The following TCAIM variants were observed in gnomAD, a reference collection of about 807,000 sequenced individuals.
TCAIM encodes T cell activation inhibitor, mitochondrial.
Under a neutral mutation model 58.6 loss-of-function variants are expected in TCAIM, and 36 were observed. The ratio of observed to expected loss-of-function variants is 0.61; its 90% confidence interval spans 0.47 to 0.81. The LOEUF is 0.81. Among genes scored for constraint, TCAIM ranks in the 30% least tolerant of loss-of-function variants. The pLI, the probability that TCAIM is intolerant of heterozygous loss-of-function variation, is 0.00. For missense variants in TCAIM, 466 were observed against 579.6 expected (o/e 0.80, Z 2.01); for synonymous variants, 172 against 193.6 (o/e 0.89, Z 0.93).
chr3:44,344,702 A>G (rs1302610331), intron 1 of TCAIM, among the ~76,000 whole-genome samples: 1 of 152,100 alleles, frequency 6.6e-6, no homozygotes, highest in East Asian at 1.9e-4. Context: ...AGGCTTGGAG[A>G]GAGCAATGAA....
At position 44,379,672 on chromosome 3, in the gene TCAIM, T is replaced by G. The variant is rs191902028; in HGVS notation, c.572+11964T>G. On this transcript the variant is annotated intron_variant, in intron 5 of 10. Transcript: ENST00000342649. ...TCACTTATAAGTGGGAACAAAATAA[T>G]GAGAACCAATGGGCACAACACAGAG... 3.3e-5 allele frequency among the ~76,000 whole-genome samples: 5 copies of G among 151,882 alleles called. No individual in the cohort carries two copies. In the East Asian group the frequency reaches 9.7e-4, roughly 29 times the overall value.
chr3:44,383,470 A>G (rs1575266614), intron 5 of TCAIM, among the ~76,000 whole-genome samples: 1 of 152,230 alleles, frequency 6.6e-6, no homozygotes. Flanking sequence ...GGATGATTCT[A>G]CTTATGTGAA....
At chr3:44,371,915 G>A (rs1054635970) in intron 5 of TCAIM, among the ~76,000 whole-genome samples, 9 of 151,428 alleles carry the variant, frequency 5.9e-5, no homozygotes, top group Admixed American at 1.3e-4. Flanking sequence ...ACTCTTACAC[G>A]GATTTTTTTT....
At chr3:44,372,792 C>T (rs752164955) in intron 5 of TCAIM, among the ~76,000 whole-genome samples, 9 of 151,948 alleles carry the variant, frequency 5.9e-5, no homozygotes, top group Non-Finnish European at 7.4e-5. Flanking sequence ...GATGGGGTTT[C>T]GCCGTGTTAG....
chr3:44,356,874 G>A (rs1701203870), intron 2 of TCAIM, among the ~76,000 whole-genome samples: 1 of 151,674 alleles, frequency 6.6e-6, no homozygotes, highest in Non-Finnish European at 1.5e-5. Flanking sequence ...TACTCGGGAG[G>A]CTGAGGCAGG....
intron 1 of TCAIM, among the ~76,000 whole-genome samples, chr3:44,347,140 G>C (rs768283709): frequency 1.3e-5 from 2 of 152,134 alleles, no homozygotes; most frequent in African/African-American, 2.4e-5. Context: ...GGGAGAGCAC[G>C]TGTGTTTTTA....
chr3:44,349,852 G>A (rs1443847725), intron 1 of TCAIM, among the ~76,000 whole-genome samples: 4 of 152,180 alleles, frequency 2.6e-5, no homozygotes, highest in East Asian at 1.9e-4. Flanking sequence ...GAGAGAGGTT[G>A]GAGAAGAGAG....
Position 44,396,468 on chromosome 3 carries a change from A to G in TCAIM, c.764A>G (p.Gln255Arg). 6.2e-7 allele frequency: 1 copy of G among 1,613,326 alleles called. No individual in the cohort carries two copies. The highest frequency in any genetic ancestry group is 1.1e-5 in the South Asian group (1 of 90,948). ...QLHSLSRLAQ[Q>R]NLETLKKAKG... ...CATAGTTTAAGCCGCTTAGCACAGC[A>G]GAATTTGGAAACACTTAAAAAAGCA... is the stretch of plus-strand genomic sequence containing the variant. Residue 255 changes from glutamine (Q) to arginine (R), a missense_variant, in exon 7 of 11, where the codon CAG becomes CGG. By Grantham distance (43) the Gln-to-Arg change is conservative (BLOSUM62 1). Transcript: ENST00000342649.
At chr3:44,371,669 C>G (rs937155582) in intron 5 of TCAIM, among the ~76,000 whole-genome samples, 4 of 152,122 alleles carry the variant, frequency 2.6e-5, no homozygotes, top group African/African-American at 9.7e-5. Context: ...ACCTGGTTTC[C>G]CAATTCTAGC....
intron 1 of TCAIM, among the ~76,000 whole-genome samples, chr3:44,353,393 G>A (rs768665860): frequency 5.3e-5 from 8 of 152,200 alleles, no homozygotes; most frequent in South Asian, 2.1e-4. Context: ...ACACCTGTGC[G>A]CTAGTTGTTG....
chr3:44,397,834 C>A (rs1217658569), intron 8 of TCAIM, among the ~76,000 whole-genome samples: 1 of 152,094 alleles, frequency 6.6e-6, no homozygotes, highest in Non-Finnish European at 1.5e-5. Flanking sequence ...TATTTGTCAT[C>A]CACATATCTT....
intron 1 of TCAIM, among the ~76,000 whole-genome samples, chr3:44,339,360 C>T (rs1263643303): frequency 6.6e-6 from 1 of 152,130 alleles, no homozygotes; most frequent in Non-Finnish European, 1.5e-5. Flanking sequence ...AAATTACTTT[C>T]AAATAAAAGT....
At chr3:44,346,838 G>A (rs1455183600) in intron 1 of TCAIM, among the ~76,000 whole-genome samples, 3 of 152,198 alleles carry the variant, frequency 2.0e-5, no homozygotes, top group Non-Finnish European at 4.4e-5. Context: ...TCTGACCACA[G>A]AGCCCTGTAC....
At chr3:44,341,290 C>T (rs969959053) in intron 1 of TCAIM, 1 of 152,014 alleles carries the variant, frequency 6.6e-6, no homozygotes, top group Non-Finnish European at 1.5e-5. Context: ...AAGACAATTC[C>T]CACAGCACAA....
At chr3:44,350,070 G>A (rs1452883628) in intron 1 of TCAIM, among the ~76,000 whole-genome samples, 1 of 152,178 alleles carries the variant, frequency 6.6e-6, no homozygotes. Context: ...CAGGCTTTGT[G>A]TGGGCAATAA....
chr3:44,375,075 A>G (rs571770827), intron 5 of TCAIM, among the ~76,000 whole-genome samples: 23 of 152,258 alleles, frequency 1.5e-4, no homozygotes, highest in African/African-American at 5.3e-4. Flanking sequence ...ATTCATTTTT[A>G]TATACCTTTT....
chr3:44,358,994 C>T (rs985924372), intron 3 of TCAIM: 89 of 984,266 alleles, frequency 9.0e-5, no homozygotes, highest in Admixed American at 2.5e-4. Context: ...TTCATTAACT[C>T]GGGGATGCAT....
chr3:44,382,088 C>A (rs899814403), intron 5 of TCAIM, among the ~76,000 whole-genome samples: 4 of 152,124 alleles, frequency 2.6e-5, no homozygotes, highest in Non-Finnish European at 5.9e-5. Flanking sequence ...CTATCAAAAG[C>A]CTGATGACAT....
At chr3:44,394,972 C>T (rs1183457853) in intron 6 of TCAIM, among the ~76,000 whole-genome samples, 1 of 101,412 alleles carries the variant, frequency 9.9e-6, no homozygotes, top group African/African-American at 3.9e-5. Context: ...ATATATCCCA[C>T]ATAAACTCTA....
Sources: allele counts gnomAD v4.1 joint callset (sites outside exome capture counted in the v4.1 genomes callset), GRCh38; gene constraint gnomAD v4.1.1; transcripts MANE v1.5; gene names NCBI Gene and HGNC (gene_info 2026-07-23, HGNC 2026-07-21).